ANKS4B: variants seen among roughly 807,000 people sequenced by gnomAD.
The protein encoded by ANKS4B is ankyrin repeat and sterile alpha motif domain containing 4B, also known as ankyrin repeat and SAM domain-containing protein 4B.
A neutral mutation model predicts 20.2 loss-of-function variants in ANKS4B; 21 were observed. The observed-to-expected ratio is 1.04, with a 90% CI of 0.74 to 1.50. ANKS4B has a LOEUF of 1.50. Ranked by LOEUF, ANKS4B falls within the 40% of genes most tolerant of loss-of-function variation. The pLI, the probability that ANKS4B is intolerant of heterozygous loss-of-function variation, is 0.00. For missense variants in ANKS4B, 473 were observed against 494.6 expected (o/e 0.96, Z 0.41); for synonymous variants, 179 against 194.5 (o/e 0.92, Z 0.66).
chr16:21,236,776 C>T (rs769933259), intron 1 of ANKS4B, among the ~76,000 whole-genome samples: 22 of 152,110 alleles, frequency 1.4e-4, no homozygotes, highest in East Asian at 3.9e-4. Context: ...ACCATACAGA[C>T]GCACACAAAA....
rs1049863964 is a variant in ANKS4B at position 21,253,585 on chromosome 16, C to G, written c.*2765C>G. 2.0e-5 allele frequency: 3 copies of G among 152,146 alleles called. No homozygotes were observed. Among genetic ancestry groups the G allele is most frequent in the Non-Finnish European group, 4.4e-5 (3 of 68,020 alleles). 9.4% of individuals were successfully genotyped at this position (152,146 alleles called of 1,614,324 possible). Reference sequence around the variant, plus strand: ...GAATCTGCCTAATGAGATATTTGCTCCACCCCCTGCTGTAACTACATCATA... The same window carrying G: ...GAATCTGCCTAATGAGATATTTGCTGCACCCCCTGCTGTAACTACATCATA... On this transcript the variant is annotated 3_prime_UTR_variant, in exon 2 of 2. Transcript: ENST00000311620.
chr16:21,250,803 G>A lies in ANKS4B; in HGVS notation c.1237G>A (p.Val413Ile), dbSNP rs1597608464. ...KQVLQQPGQL[V>I]DTSL is the part of the protein sequence containing the mutation. ...GGTGCTTCAACAGCCTGGGCAGCTG[G>A]TCGACACCAGCCTGTGATGGAGAGT... Residue 413 changes from valine (V) to isoleucine (I), a missense_variant, in exon 2 of 2, where the codon GTC becomes ATC. By Grantham distance (29) the Val-to-Ile change is conservative. Transcript: ENST00000311620. 6.3e-7 allele frequency: 1 copy of A among 1,593,648 alleles called. No individual in the cohort carries two copies. The highest frequency in any genetic ancestry group is 2.3e-5 in the East Asian group (1 of 44,332).
At position 21,249,850 on chromosome 16, in the gene ANKS4B, A is replaced by T. The variant is rs537864105; in HGVS notation, c.284A>T (p.Asp95Val). The T allele has an allele frequency of 6.2e-7, 1 of 1,614,184 alleles. No individual in the cohort carries two copies. Among genetic ancestry groups the T allele is most frequent in the South Asian group, 1.1e-5 (1 of 91,082 alleles). Residue 95 changes from aspartate (D) to valine (V), a missense_variant, in exon 2 of 2, where the codon GAT becomes GTT. Coordinates refer to ENST00000311620, the MANE Select transcript of ANKS4B (RefSeq NM_145865.3). ...TTTGGTGCCAACATCTTTGCCCTGG[A>T]TAATGACTTACAGACTCCACTGGAT... ...VNFGANIFAL[D>V]NDLQTPLDAA...
At chr16:21,243,564 TTTTTG>T (rs964725467) in intron 1 of ANKS4B, among the ~76,000 whole-genome samples, 89 of 152,130 alleles carry the variant, frequency 5.9e-4, no homozygotes, top group African/African-American at 2.1e-3. Flanking sequence ...TTTTGCAAGT[TTTTTG>T]TTTTGTTTTG....
chr16:21,250,966 T>G lies in ANKS4B; in HGVS notation c.*146T>G. ...CCTACCTGAGAGAGAGACCCAAACT[T>G]TACTCTGGGAGGTAGGCTATGCCCA... On this transcript the variant is annotated 3_prime_UTR_variant, in exon 2 of 2. Transcript: ENST00000311620. The G allele has an allele frequency of 8.5e-7, 1 of 1,176,404 alleles. No individual in the cohort carries two copies. The highest frequency in any genetic ancestry group is 1.2e-6 in the Non-Finnish European group (1 of 857,458). The allele number at this position is 1,176,404 out of a possible 1,614,324, so 72.9% of individuals were successfully genotyped here.
chr16:21,234,301 T>TA (rs1482692421), intron 1 of ANKS4B, among the ~76,000 whole-genome samples: 3 of 152,126 alleles, frequency 2.0e-5, no homozygotes, highest in Non-Finnish European at 4.4e-5. Context: ...GTTTTAGTTT[T>TA]TTTTTTATCT....
At chr16:21,234,973 C>T (rs554931069) in intron 1 of ANKS4B, among the ~76,000 whole-genome samples, 10 of 152,110 alleles carry the variant, frequency 6.6e-5, no homozygotes, top group Non-Finnish European at 1.2e-4. Context: ...CTGAGCCTCC[C>T]GAGTAGCTGG....
chr16:21,236,777 G>A (rs1253446271), intron 1 of ANKS4B, among the ~76,000 whole-genome samples: 4 of 152,062 alleles, frequency 2.6e-5, no homozygotes, highest in East Asian at 1.9e-4. Context: ...CCATACAGAC[G>A]CACACAAAAC....
chr16:21,247,579 G>A (rs760595066), intron 1 of ANKS4B, among the ~76,000 whole-genome samples: 1 of 152,240 alleles, frequency 6.6e-6, no homozygotes, highest in Non-Finnish European at 1.5e-5. Context: ...AGAGTTTAGT[G>A]AGATCCTGAT....
chr16:21,241,573 A>C (rs960358041), intron 1 of ANKS4B, among the ~76,000 whole-genome samples: 2 of 151,822 alleles, frequency 1.3e-5, no homozygotes, highest in Non-Finnish European at 2.9e-5. Flanking sequence ...TACCACCCCC[A>C]CTTAATTTTT....
At chr16:21,246,902 T>G (rs965027792) in intron 1 of ANKS4B, among the ~76,000 whole-genome samples, 2 of 152,162 alleles carry the variant, frequency 1.3e-5, no homozygotes, top group Admixed American at 6.5e-5. Flanking sequence ...TCCCGTGGAG[T>G]AACTGCAAAT....
At chr16:21,236,125 G>T (rs1178870504) in intron 1 of ANKS4B, among the ~76,000 whole-genome samples, 1 of 152,070 alleles carries the variant, frequency 6.6e-6, no homozygotes, top group Admixed American at 6.6e-5. Flanking sequence ...TCTGCTTTTG[G>T]GGAGCCTTCA....
At chr16:21,247,237 G>T (rs980910932) in intron 1 of ANKS4B, among the ~76,000 whole-genome samples, 1 of 152,024 alleles carries the variant, frequency 6.6e-6, no homozygotes, top group Non-Finnish European at 1.5e-5. Flanking sequence ...GCTAATTTTT[G>T]TATTTTTAGT....
rs138621284 is a variant in ANKS4B, at chr16:21,234,105, T to C, written c.164+204T>C. Among the ~76,000 whole-genome samples, 832 of 152,314 alleles carry C rather than the reference T, an allele frequency of 5.5e-3. 2 individuals carry two copies. The highest frequency in any genetic ancestry group is 1.0e-2 in the Non-Finnish European group (680 of 68,024). ...GGACTGGCACTATAGGAGTGGCTCA[T>C]CCCTTAGCCACAATCAGAGGAGAGA... On this transcript the variant is annotated intron_variant, in intron 1 of 1. Transcript: ENST00000311620.
chr16:21,236,822 A>C (rs1175509122), intron 1 of ANKS4B, among the ~76,000 whole-genome samples: 1 of 152,198 alleles, frequency 6.6e-6, no homozygotes, highest in Non-Finnish European at 1.5e-5. Flanking sequence ...CCATGCTACT[A>C]AGATGTATAT....
chr16:21,234,104 A>G (rs1370929805), intron 1 of ANKS4B, among the ~76,000 whole-genome samples: 6 of 152,232 alleles, frequency 3.9e-5, no homozygotes, highest in South Asian at 2.1e-4. Flanking sequence ...GGAGTGGCTC[A>G]TCCCTTAGCC....
chr16:21,240,403 C>T (rs1458192676), intron 1 of ANKS4B, among the ~76,000 whole-genome samples: 1 of 152,076 alleles, frequency 6.6e-6, no homozygotes, highest in Non-Finnish European at 1.5e-5. Context: ...ATTCTCCTGC[C>T]TCAGCCTCTG....
intron 1 of ANKS4B, among the ~76,000 whole-genome samples, chr16:21,240,345 A>G (rs1400621731): frequency 6.6e-6 from 1 of 151,670 alleles, no homozygotes; most frequent in Non-Finnish European, 1.5e-5. Flanking sequence ...CTGGAGTGCA[A>G]TGATGGGATC....
intron 1 of ANKS4B, among the ~76,000 whole-genome samples, chr16:21,249,395 G>A (rs943632720): frequency 6.6e-6 from 1 of 152,226 alleles, no homozygotes; most frequent in Non-Finnish European, 1.5e-5. Context: ...AGAATCACCT[G>A]AGCCTGGGAG....
Sources: allele counts gnomAD v4.1 joint callset (sites outside exome capture counted in the v4.1 genomes callset), GRCh38; gene constraint gnomAD v4.1.1; transcripts MANE v1.5; gene names NCBI Gene and HGNC (gene_info 2026-07-23, HGNC 2026-07-21).